TUBA1C: variants seen among roughly 807,000 people sequenced by gnomAD.
The protein encoded by TUBA1C is tubulin alpha-1C chain.
Under a neutral mutation model 34.9 loss-of-function variants are expected in TUBA1C, and 16 were observed. The observed-to-expected ratio is 0.46, with a 90% CI of 0.31 to 0.70. The LOEUF is 0.70. Ranked by LOEUF, TUBA1C falls within the 30% of genes least tolerant of loss-of-function variation. The pLI, the probability that TUBA1C is intolerant of heterozygous loss-of-function variation, is 0.05. For synonymous variants in TUBA1C, 177 were observed against 215.9 expected, an observed-to-expected ratio of 0.82 and a Z score of 1.58; for missense variants, 329 against 587.3, an observed-to-expected ratio of 0.56 and a Z score of 4.55.
intron 1 of TUBA1C, among the ~76,000 whole-genome samples, chr12:49,267,737 G>A (rs187822967): frequency 5.6e-4 from 86 of 152,320 alleles, no homozygotes; most frequent in East Asian, 2.7e-3. Flanking sequence ...AGTAGACCCA[G>A]GTGATACTGA....
intron 1 of TUBA1C, among the ~76,000 whole-genome samples, chr12:49,252,793 G>A (rs1389149316): frequency 2.0e-5 from 3 of 152,124 alleles, no homozygotes; most frequent in Non-Finnish European, 4.4e-5. Context: ...GGCGCCTGTA[G>A]TCCCAGCTAC....
chr12:49,267,286 T>A (rs1293299536), intron 1 of TUBA1C, among the ~76,000 whole-genome samples: 2 of 152,242 alleles, frequency 1.3e-5, no homozygotes, highest in African/African-American at 4.8e-5. Context: ...TTTATCTCCT[T>A]GGGCCTGGGG....
At chr12:49,263,311 A>G (rs1044629739), upstream of TUBA1C, among the ~76,000 whole-genome samples, 1 of 151,144 alleles carries the variant, frequency 6.6e-6, no homozygotes, top group Non-Finnish European at 1.5e-5. Context: ...CCACTGCGCC[A>G]GGCCTGTTGG....
chr12:49,257,444 G>A (rs1188342883), intron 1 of TUBA1C, among the ~76,000 whole-genome samples: 2 of 152,074 alleles, frequency 1.3e-5, no homozygotes, highest in Non-Finnish European at 2.9e-5. Flanking sequence ...CAGTGGAGGG[G>A]CTGAGGAATG....
At chr12:49,255,810 C>G (rs899781975) in intron 1 of TUBA1C, among the ~76,000 whole-genome samples, 5 of 152,106 alleles carry the variant, frequency 3.3e-5, no homozygotes, top group African/African-American at 1.2e-4. Flanking sequence ...ACGTGATCCG[C>G]CGGCCTCAGT....
intron 1 of TUBA1C, among the ~76,000 whole-genome samples, chr12:49,237,560 C>T (rs1212746242): frequency 6.6e-6 from 1 of 150,814 alleles, no homozygotes; most frequent in East Asian, 2.0e-4. Flanking sequence ...CTGGGCAACA[C>T]AGTGAGACCC....
intron 1 of TUBA1C, among the ~76,000 whole-genome samples, chr12:49,242,896 C>T (rs539696338): frequency 2.7e-4 from 41 of 152,122 alleles, no homozygotes; most frequent in African/African-American, 8.9e-4. Context: ...CTCTGCCTCC[C>T]AGGCTCAAGC....
intron 1 of TUBA1C, among the ~76,000 whole-genome samples, chr12:49,242,801 T>TA: frequency 6.6e-6 from 1 of 152,138 alleles, no homozygotes; most frequent in Middle Eastern, 3.4e-3. Context: ...CTGTGACTTC[T>TA]AATTCTGTTG....
At chr12:49,228,011 T>G (rs1442316456) in exon 1 of TUBA1C, 1 of 1,535,730 alleles carries the variant, frequency 6.5e-7, no homozygotes, top group South Asian at 1.2e-5. Flanking sequence ...CTTTGTGTGC[T>G]TGGAATTAGA....
chr12:49,265,799 T>C (rs898918189), intron 1 of TUBA1C, among the ~76,000 whole-genome samples: 18 of 152,200 alleles, frequency 1.2e-4, no homozygotes, highest in African/African-American at 4.3e-4. Context: ...GGTAGGTTTA[T>C]AGCTGAAGCT....
intron 1 of TUBA1C, among the ~76,000 whole-genome samples, chr12:49,260,051 A>T (rs1359676204): frequency 6.6e-6 from 1 of 152,230 alleles, no homozygotes; most frequent in Non-Finnish European, 1.5e-5. Context: ...AATTTATTAA[A>T]TAAATGTTAC....
At chr12:49,262,869 G>T (rs952442553), upstream of TUBA1C, among the ~76,000 whole-genome samples, 1 of 151,954 alleles carries the variant, frequency 6.6e-6, no homozygotes, top group Non-Finnish European at 1.5e-5. Flanking sequence ...TCCTTACACT[G>T]TAATTTTTAG....
intron 1 of TUBA1C, among the ~76,000 whole-genome samples, chr12:49,248,993 A>C (rs1367308069): frequency 1.3e-5 from 2 of 152,200 alleles, no homozygotes. Context: ...CACAAGGGAA[A>C]TCTTAAAATA....
rs1331865034 is a variant in TUBA1C, at chr12:49,272,990, A to G, written c.1113A>G (p.Val371=). ...TVVPGGDLAK[V]QRAVCMLSNT... The stretch of plus-strand genomic sequence containing the variant: ...TGCCTGGCGGAGACCTGGCCAAGGT[A>G]CAGAGAGCTGTGTGCATGCTGAGCA... Residue 371 remains valine (V), a synonymous_variant, in exon 4 of 4, where the codon GTA becomes GTG. Coordinates refer to ENST00000301072, the MANE Select transcript of TUBA1C (RefSeq NM_032704.5). The G allele has an allele frequency of 2.5e-6, 4 of 1,614,118 alleles. No individual in the cohort carries two copies. The Admixed American group carries it at 6.7e-5, about 27-fold the overall frequency.
intron 1 of TUBA1C, among the ~76,000 whole-genome samples, chr12:49,240,349 G>A (rs1356400510): frequency 6.6e-6 from 1 of 151,032 alleles, no homozygotes; most frequent in Non-Finnish European, 1.5e-5. Context: ...TTTCTATCTG[G>A]ACCCTAGAGT....
chr12:49,231,721 T>C (rs11830005), intron 1 of TUBA1C, among the ~76,000 whole-genome samples: 1,798 of 149,234 alleles, frequency 0.012, 29 homozygotes, highest in African/African-American at 0.04. Flanking sequence ...GACAGACAGA[T>C]AGATAGATAG....
chr12:49,268,285 G>T (rs1341529120), intron 1 of TUBA1C, among the ~76,000 whole-genome samples: 2 of 152,168 alleles, frequency 1.3e-5, no homozygotes, highest in Non-Finnish European at 2.9e-5. Context: ...TTTTAGTAGA[G>T]ATGGGGTTTC....
At chr12:49,243,261 C>A (rs1565640752) in intron 1 of TUBA1C, among the ~76,000 whole-genome samples, 1 of 152,082 alleles carries the variant, frequency 6.6e-6, no homozygotes, top group Admixed American at 6.6e-5. Flanking sequence ...GCCTGGCCAA[C>A]ATGGAGAAAA....
chr12:49,269,643 A>G lies in TUBA1C; in HGVS notation c.182A>G (p.His61Arg). ...TFFSETGAGKHVPRAVFVDLE... is the reference protein window; with the variant it reads ...TFFSETGAGKRVPRAVFVDLE... ...TTCAGTGAAACGGGTGCTGGCAAGC[A>G]TGTGCCCCGGGCAGTGTTTGTAGAC... Residue 61 changes from histidine to arginine, a missense_variant, in exon 2 of 4, where the codon CAT becomes CGT. This residue lies in a region of TUBA1C where 152 missense variants were observed against 240.3 expected (regional missense o/e 0.63). Coordinates refer to ENST00000301072, the MANE Select transcript of TUBA1C (RefSeq NM_032704.5). 4 of 1,614,178 alleles carry G rather than the reference A, an allele frequency of 2.5e-6. No individual in the cohort carries two copies. The highest frequency in any genetic ancestry group is 3.4e-6 in the Non-Finnish European group (4 of 1,180,032).
Sources: allele counts gnomAD v4.1 joint callset (sites outside exome capture counted in the v4.1 genomes callset), GRCh38; gene constraint gnomAD v4.1.1; regional missense constraint gnomAD v4.1.1; transcripts MANE v1.5; gene names NCBI Gene and HGNC (gene_info 2026-07-23, HGNC 2026-07-21).